The following PRKG1 variants were observed in gnomAD, a reference collection of about 807,000 sequenced individuals.
PRKG1 encodes the protein protein kinase cGMP-dependent 1, also known as cGMP-dependent protein kinase 1.
A neutral mutation model predicts 88.1 loss-of-function variants in PRKG1; 35 were observed. The observed-to-expected ratio is 0.40, with a 90% CI of 0.30 to 0.53. PRKG1 has a LOEUF of 0.53. PRKG1 is among the 20% of genes least tolerant of loss of function. The pLI is 0.59. For synonymous variants in PRKG1, 303 were observed against 292.5 expected, an observed-to-expected ratio of 1.04 and a Z score of -0.37; for missense variants, 540 against 839.8, an observed-to-expected ratio of 0.64 and a Z score of 4.41.
chr10:51,757,348 C>T (rs946967572), intron 3 of PRKG1, among the ~76,000 whole-genome samples: 1 of 152,122 alleles, frequency 6.6e-6, no homozygotes, highest in East Asian at 1.9e-4. Flanking sequence ...AAGTGATCAG[C>T]CTGCCTTGGC....
At chr10:51,517,485 G>A (rs1303841013) in intron 3 of PRKG1, among the ~76,000 whole-genome samples, 3 of 152,294 alleles carry the variant, frequency 2.0e-5, no homozygotes, top group African/African-American at 2.4e-5. Flanking sequence ...GACAGCAGGC[G>A]TCAAGGATGA....
chr10:51,955,982 G>A (rs968982073), intron 5 of PRKG1, among the ~76,000 whole-genome samples: 5 of 152,054 alleles, frequency 3.3e-5, no homozygotes, highest in Non-Finnish European at 7.4e-5. Flanking sequence ...CATTTGTTTT[G>A]TGTTTAAGGG....
intron 4 of PRKG1, among the ~76,000 whole-genome samples, chr10:51,806,721 G>C (rs1313724020): frequency 6.6e-6 from 1 of 152,144 alleles, no homozygotes; most frequent in Non-Finnish European, 1.5e-5. Context: ...GTGGAGCACA[G>C]TTCCTGTTGC....
At chr10:51,228,551 T>C (rs1049998693) in intron 2 of PRKG1, among the ~76,000 whole-genome samples, 2 of 152,150 alleles carry the variant, frequency 1.3e-5, no homozygotes, top group African/African-American at 4.8e-5. Context: ...TTAAGGTCAT[T>C]TAAGTAAATT....
intron 12 of PRKG1, among the ~76,000 whole-genome samples, chr10:52,274,141 T>C (rs1005874335): frequency 1.9e-4 from 29 of 150,734 alleles, no homozygotes; most frequent in African/African-American, 6.8e-4. Flanking sequence ...TTTTATTTTT[T>C]CATAAGTTAT....
chr10:51,009,141 C>T (rs1161109411), intron 1 of PRKG1, among the ~76,000 whole-genome samples: 1 of 151,922 alleles, frequency 6.6e-6, no homozygotes, highest in South Asian at 2.1e-4. Flanking sequence ...GAAAAAAAAC[C>T]CTTCTATGCT....
chr10:51,290,557 C>T (rs918620481), intron 2 of PRKG1, among the ~76,000 whole-genome samples: 1 of 152,020 alleles, frequency 6.6e-6, no homozygotes, highest in African/African-American at 2.4e-5. Context: ...TAGTGTGATT[C>T]GTTTAAATAA....
chr10:52,163,717 G>A (rs1838347841), intron 9 of PRKG1, among the ~76,000 whole-genome samples: 1 of 152,130 alleles, frequency 6.6e-6, no homozygotes, highest in East Asian at 1.9e-4. Context: ...ATAACTGTGT[G>A]TACATCTCCT....
chr10:51,172,702 A>G (rs1372806549), intron 2 of PRKG1, among the ~76,000 whole-genome samples: 1 of 151,124 alleles, frequency 6.6e-6, no homozygotes, highest in East Asian at 1.9e-4. Flanking sequence ...CTATCTGTGT[A>G]TATTTTGTTA....
At chr10:51,335,164 C>A (rs1372408945) in intron 2 of PRKG1, among the ~76,000 whole-genome samples, 1 of 151,860 alleles carries the variant, frequency 6.6e-6, no homozygotes, top group Non-Finnish European at 1.5e-5. Flanking sequence ...AGGCGCCCAC[C>A]ACCACGCCTG....
chr10:52,147,377 GT>G (rs991629256), intron 8 of PRKG1, among the ~76,000 whole-genome samples: 7 of 152,160 alleles, frequency 4.6e-5, no homozygotes, highest in African/African-American at 1.7e-4. Context: ...CAAATATGAT[GT>G]TTTTGTTTTA....
intron 2 of PRKG1, among the ~76,000 whole-genome samples, chr10:51,446,633 A>T (rs762548124): frequency 6.6e-6 from 1 of 152,054 alleles, no homozygotes; most frequent in East Asian, 1.9e-4. Context: ...GCCACCTTGA[A>T]TTTTAAATCA....
chr10:52,275,130 T>C (rs1441712855), intron 12 of PRKG1, among the ~76,000 whole-genome samples: 1 of 152,324 alleles, frequency 6.6e-6, no homozygotes, highest in East Asian at 1.9e-4. Flanking sequence ...ACTCTGTGGG[T>C]TGTCTGTTTA....
At chr10:51,191,325 C>A (rs1837625169) in intron 2 of PRKG1, among the ~76,000 whole-genome samples, 1 of 151,774 alleles carries the variant, frequency 6.6e-6, no homozygotes, top group Non-Finnish European at 1.5e-5. Flanking sequence ...TACTCACCAC[C>A]TGCATAACTG....
intron 3 of PRKG1, among the ~76,000 whole-genome samples, chr10:51,533,868 C>T (rs7342003): frequency 0.93 from 141,509 of 152,224 alleles, 65,839 homozygotes; most frequent in East Asian, 1. Context: ...GTCTTAGAAT[C>T]GGAAGGTTAC....
At chr10:51,118,786 G>T (rs1469486808) in intron 1 of PRKG1, among the ~76,000 whole-genome samples, 1 of 152,118 alleles carries the variant, frequency 6.6e-6, no homozygotes, top group African/African-American at 2.4e-5. Context: ...TACAGTAAAT[G>T]ACTATAGCTG....
Position 50,991,233 on chromosome 10 carries a change from G to A in PRKG1, c.-146G>A. The stretch of plus-strand genomic sequence containing the variant: ...AGGAGGCTCCCCGCGCCGCATTAGG[G>A]GCGCACTCCGCCGCGCTCGAGTACT... On this transcript the variant is annotated 5_prime_UTR_variant, in exon 1 of 18. Transcript: ENST00000401604. This position sits in a 1 kb window ranked among gnomAD's most constrained non-coding sequence, Gnocchi z 4.5. 8.2e-7 allele frequency: 1 copy of A among 1,214,366 alleles called. No individual in the cohort carries two copies. The highest frequency in any genetic ancestry group is 3.0e-5 in the East Asian group (1 of 33,334). 75.2% of individuals were successfully genotyped at this position (1,214,366 alleles called of 1,614,324 possible).
At chr10:51,651,265 G>A (rs1840031503) in intron 3 of PRKG1, among the ~76,000 whole-genome samples, 1 of 151,954 alleles carries the variant, frequency 6.6e-6, no homozygotes, top group African/African-American at 2.4e-5. Context: ...TCCTTTCTAG[G>A]CCATTTTCCA....
chr10:51,781,093 G>A (rs1207391380), intron 3 of PRKG1, among the ~76,000 whole-genome samples: 1 of 152,016 alleles, frequency 6.6e-6, no homozygotes, highest in Non-Finnish European at 1.5e-5. Flanking sequence ...AATGATTACT[G>A]TGTTCTATCT....
Sources: allele counts gnomAD v4.1 joint callset (sites outside exome capture counted in the v4.1 genomes callset), GRCh38; gene constraint gnomAD v4.1.1; non-coding constraint Gnocchi (gnomAD v3.1); transcripts MANE v1.5; gene names NCBI Gene and HGNC (gene_info 2026-07-23, HGNC 2026-07-21).